The following CSMD1 variants were observed in gnomAD, a reference collection of about 807,000 sequenced individuals.
The protein encoded by CSMD1 is CUB and Sushi multiple domains 1, also known as CUB and sushi domain-containing protein 1.
A neutral mutation model predicts 417.5 loss-of-function variants in CSMD1; 213 were observed. The observed-to-expected ratio is 0.51, with a 90% CI of 0.46 to 0.57. The LOEUF is 0.57. Among genes scored for constraint, CSMD1 ranks in the 20% least tolerant of loss-of-function variants. The probability of loss-of-function intolerance (pLI) is 0.00; values close to 1 mark genes in which losing one functional copy is unlikely to be tolerated. For missense variants in CSMD1, 6,923 were observed against 4,529.7 expected, an observed-to-expected ratio of 1.53 and a Z score of -15.17; for synonymous variants, 2,862 against 1,736.8, an observed-to-expected ratio of 1.65 and a Z score of -16.11.
At chr8:4,287,714 G>T (rs994876324) in intron 3 of CSMD1, among the ~76,000 whole-genome samples, 2 of 150,916 alleles carry the variant, frequency 1.3e-5, no homozygotes, top group African/African-American at 4.9e-5. Flanking sequence ...ATGAAAGAGA[G>T]GGTTAGCAAG....
At chr8:2,983,917 C>G (rs2128941658) in intron 54 of CSMD1, among the ~76,000 whole-genome samples, 1 of 152,100 alleles carries the variant, frequency 6.6e-6, no homozygotes, top group African/African-American at 2.4e-5. Context: ...ACTTTAAAAG[C>G]TAAATGCTAT....
chr8:4,703,591 T>C (rs1807725914), intron 1 of CSMD1, among the ~76,000 whole-genome samples: 1 of 152,216 alleles, frequency 6.6e-6, no homozygotes, highest in Admixed American at 6.5e-5. Context: ...GAAAACACTT[T>C]GGTGTTAAGG....
intron 12 of CSMD1, among the ~76,000 whole-genome samples, chr8:3,437,995 C>T (rs148789090): frequency 6.6e-6 from 1 of 152,166 alleles, no homozygotes; most frequent in East Asian, 1.9e-4. Flanking sequence ...CTCACCTCAG[C>T]CTCCCAAAGT....
intron 1 of CSMD1, among the ~76,000 whole-genome samples, chr8:4,917,559 A>G (rs930749766): frequency 2.6e-4 from 39 of 152,284 alleles, no homozygotes; most frequent in African/African-American, 9.1e-4. Flanking sequence ...GCTTGAACCC[A>G]GGAAGCGGAG....
At chr8:3,062,995 C>T (rs556739502) in intron 49 of CSMD1, among the ~76,000 whole-genome samples, 4 of 152,106 alleles carry the variant, frequency 2.6e-5, no homozygotes, top group South Asian at 2.1e-4. Context: ...GCTGGAGGAA[C>T]GTAAAGTGAC....
At chr8:3,066,332 T>C (rs982485554) in intron 49 of CSMD1, among the ~76,000 whole-genome samples, 4 of 152,226 alleles carry the variant, frequency 2.6e-5, no homozygotes, top group Non-Finnish European at 4.4e-5. Flanking sequence ...TTAGCTCTAT[T>C]TGAAGCTCAA....
At chr8:3,601,789 A>C (rs1330912665) in intron 8 of CSMD1, among the ~76,000 whole-genome samples, 1 of 152,212 alleles carries the variant, frequency 6.6e-6, no homozygotes, top group Non-Finnish European at 1.5e-5. Flanking sequence ...TAATGTTTCC[A>C]ATTCGTTTAA....
chr8:4,330,695 A>G (rs1396298447), intron 3 of CSMD1, among the ~76,000 whole-genome samples: 2 of 151,926 alleles, frequency 1.3e-5, no homozygotes, highest in African/African-American at 2.4e-5. Flanking sequence ...TGTTTGCTCA[A>G]TTTTCTGTAG....
intron 7 of CSMD1, among the ~76,000 whole-genome samples, chr8:3,618,479 T>A (rs1167138019): frequency 1.3e-5 from 2 of 152,134 alleles, no homozygotes; most frequent in African/African-American, 2.4e-5. Context: ...AAGTTTTTTT[T>A]AATAACATCT....
chr8:4,497,130 G>C (rs1185325190), intron 2 of CSMD1, among the ~76,000 whole-genome samples: 1 of 152,136 alleles, frequency 6.6e-6, no homozygotes, highest in Non-Finnish European at 1.5e-5. Context: ...CTTGTCTATA[G>C]CCCTTGACTC....
chr8:4,830,433 C>T (rs1487546722), intron 1 of CSMD1, among the ~76,000 whole-genome samples: 1 of 152,130 alleles, frequency 6.6e-6, no homozygotes, highest in Non-Finnish European at 1.5e-5. Flanking sequence ...TTTGGAGGAA[C>T]ACTTACCGTT....
At chr8:4,854,700 T>G (rs1385420960) in intron 1 of CSMD1, among the ~76,000 whole-genome samples, 1 of 152,132 alleles carries the variant, frequency 6.6e-6, no homozygotes, top group South Asian at 2.1e-4. Flanking sequence ...ACTGCCCTTT[T>G]CCGACGGGCT....
chr8:3,714,577 A>AAAAAAAAAAAAAAG, intron 6 of CSMD1, among the ~76,000 whole-genome samples: 1 of 148,096 alleles, frequency 6.8e-6, no homozygotes, highest in Non-Finnish European at 1.5e-5. Flanking sequence ...AAAAAAAAAA[A>AAAAAAAAAAAAAAG]AAAATTAGCC....
rs114973723 is a variant in CSMD1, at chr8:4,702,575, C to G, written c.86-65017G>C. Among the ~76,000 whole-genome samples the G allele has an allele frequency of 2.1e-3, 317 of 152,236 alleles. 1 individual carries two copies. The highest frequency in any genetic ancestry group is 7.3e-3 in the African/African-American group (304 of 41,534). ...GAATTATAAATCATCTGAAAGGTTC[C>G]GTAGGAGAACACACTGCCCTTTACA... On this transcript the variant is annotated intron_variant, in intron 1 of 69. Coordinates refer to ENST00000635120, the MANE Select transcript of CSMD1 (RefSeq NM_033225.6).
At chr8:4,379,194 C>G (rs1283904968) in intron 3 of CSMD1, among the ~76,000 whole-genome samples, 1 of 152,006 alleles carries the variant, frequency 6.6e-6, no homozygotes, top group Non-Finnish European at 1.5e-5. Context: ...GTATTCTGCC[C>G]CCAAGTTCAT....
At chr8:4,882,480 T>C (rs889332878) in intron 1 of CSMD1, among the ~76,000 whole-genome samples, 7 of 151,952 alleles carry the variant, frequency 4.6e-5, no homozygotes, top group East Asian at 1.9e-4. Context: ...GTTTTGTTGC[T>C]TTAGCTTCTT....
chr8:3,876,463 G>T (rs990350330), intron 5 of CSMD1, among the ~76,000 whole-genome samples: 5 of 152,176 alleles, frequency 3.3e-5, no homozygotes, highest in Non-Finnish European at 5.9e-5. Context: ...TCTCTTGTTG[G>T]AGAGTCCTAA....
chr8:4,943,572 A>T (rs1288944030), intron 1 of CSMD1, among the ~76,000 whole-genome samples: 1 of 152,140 alleles, frequency 6.6e-6, no homozygotes, highest in Non-Finnish European at 1.5e-5. Flanking sequence ...AATTACCTTT[A>T]TAAATACCTT....
chr8:4,135,366 AGGG>A (rs371415818), intron 3 of CSMD1, among the ~76,000 whole-genome samples: 3 of 130,264 alleles, frequency 2.3e-5, no homozygotes, highest in African/African-American at 9.2e-5. Context: ...GAGGGAAGGA[AGGG>A]GAAAGTGGGA....
Sources: allele counts gnomAD v4.1 joint callset (sites outside exome capture counted in the v4.1 genomes callset), GRCh38; gene constraint gnomAD v4.1.1; transcripts MANE v1.5; gene names NCBI Gene and HGNC (gene_info 2026-07-23, HGNC 2026-07-21).